Variants in SORCS2 observed in about 807,000 individuals in gnomAD.
SORCS2 encodes VPS10 domain-containing receptor SorCS2.
Under a neutral mutation model 141.6 loss-of-function variants are expected in SORCS2, and 100 were observed. The observed-to-expected ratio is 0.71, with a 90% confidence interval of 0.60 to 0.83. The LOEUF is 0.83. SORCS2 is among the 40% of genes least tolerant of loss of function. The pLI is 0.00. For missense variants in SORCS2, 1,646 were observed against 1,560.2 expected, an observed-to-expected ratio of 1.05 and a Z score of -0.93; for synonymous variants, 789 against 676.9, an observed-to-expected ratio of 1.17 and a Z score of -2.57.
chr4:7,548,010 C>T (rs796229885), intron 3 of SORCS2, among the ~76,000 whole-genome samples: 11 of 152,302 alleles, frequency 7.2e-5, no homozygotes, highest in African/African-American at 2.2e-4. Flanking sequence ...GAGCTTTCTT[C>T]CTGATTTCTT....
intron 2 of SORCS2, among the ~76,000 whole-genome samples, chr4:7,399,853 T>G (rs1026738822): frequency 2.0e-5 from 3 of 152,128 alleles, no homozygotes; most frequent in African/African-American, 7.2e-5. Context: ...AGGTAGGTCC[T>G]CCCAGAGGTT....
At chr4:7,337,951 G>A (rs1262237187) in intron 1 of SORCS2, among the ~76,000 whole-genome samples, 2 of 152,196 alleles carry the variant, frequency 1.3e-5, no homozygotes, top group Non-Finnish European at 2.9e-5. Context: ...CTGCGGACCT[G>A]CTGCCCTCTC....
intron 14 of SORCS2, among the ~76,000 whole-genome samples, chr4:7,706,628 C>T (rs1725481129): frequency 6.8e-6 from 1 of 147,912 alleles, no homozygotes; most frequent in African/African-American, 2.5e-5. Flanking sequence ...TGGCCTCTGC[C>T]TGGACAGGGA....
chr4:7,465,630 G>A (rs935634555), intron 2 of SORCS2, among the ~76,000 whole-genome samples: 4 of 152,182 alleles, frequency 2.6e-5, no homozygotes, highest in Admixed American at 6.5e-5. Context: ...CCTTTATAAA[G>A]ATACGTAGAC....
intron 2 of SORCS2, among the ~76,000 whole-genome samples, chr4:7,530,235 C>T (rs759998026): frequency 6.6e-6 from 1 of 152,226 alleles, no homozygotes; most frequent in African/African-American, 2.4e-5. Context: ...CCCCTCGGCC[C>T]CCAGAGGACA....
chr4:7,673,913 C>T (rs577604719), intron 8 of SORCS2, among the ~76,000 whole-genome samples: 1 of 152,326 alleles, frequency 6.6e-6, no homozygotes, highest in African/African-American at 2.4e-5. Context: ...TAATTCCCTG[C>T]CACGGCCCAG....
At chr4:7,675,985 C>T in intron 8 of SORCS2, 65 bp from the exon 9 acceptor site, 1 of 1,525,818 alleles carries the variant, frequency 6.6e-7, no homozygotes, top group African/African-American at 1.4e-5. Flanking sequence ...GTGCAGCCTG[C>T]TTCTTCCTCC....
At chr4:7,388,766 G>T (rs886732721) in intron 1 of SORCS2, among the ~76,000 whole-genome samples, 2 of 152,184 alleles carry the variant, frequency 1.3e-5, no homozygotes, top group Non-Finnish European at 2.9e-5. Context: ...CCCTGCATCG[G>T]CTCCGACACA....
chr4:7,372,753 C>T (rs1203381536), intron 1 of SORCS2, among the ~76,000 whole-genome samples: 1 of 152,198 alleles, frequency 6.6e-6, no homozygotes, highest in Admixed American at 6.5e-5. Flanking sequence ...CCCCCACCCC[C>T]AAGCCCTGGA....
chr4:7,565,296 C>G (rs1714888967), intron 3 of SORCS2, among the ~76,000 whole-genome samples: 1 of 152,180 alleles, frequency 6.6e-6, no homozygotes, highest in African/African-American at 2.4e-5. Flanking sequence ...GAGGATTATT[C>G]TGCTCTTGGA....
At chr4:7,625,333 G>C (rs1357657728) in intron 3 of SORCS2, among the ~76,000 whole-genome samples, 1 of 152,042 alleles carries the variant, frequency 6.6e-6, no homozygotes, top group Non-Finnish European at 1.5e-5. Flanking sequence ...CTCACAAATT[G>C]TTTGGTCTTG....
At chr4:7,696,903 C>T (rs1724747143) in intron 11 of SORCS2, among the ~76,000 whole-genome samples, 2 of 152,254 alleles carry the variant, frequency 1.3e-5, no homozygotes, top group Admixed American at 6.5e-5. Flanking sequence ...CCTAGCCACA[C>T]TCCATGCTTC....
At chr4:7,206,321 G>T (rs1388400316) in intron 1 of SORCS2, among the ~76,000 whole-genome samples, 4 of 152,164 alleles carry the variant, frequency 2.6e-5, no homozygotes, top group African/African-American at 9.7e-5. Flanking sequence ...CTTAGTAGAT[G>T]CTCAGTAAAC....
intron 2 of SORCS2, among the ~76,000 whole-genome samples, chr4:7,397,319 G>A (rs1344143343): frequency 6.6e-6 from 1 of 152,140 alleles, no homozygotes; most frequent in Non-Finnish European, 1.5e-5. Flanking sequence ...TTTCTTTGTG[G>A]TAGAAGGAAT....
At chr4:7,416,851 C>A (rs1325165909) in intron 2 of SORCS2, among the ~76,000 whole-genome samples, 1 of 151,920 alleles carries the variant, frequency 6.6e-6, no homozygotes, top group Non-Finnish European at 1.5e-5. Flanking sequence ...TGCATGCATG[C>A]ACACACACAC....
chr4:7,734,344 C>T lies in SORCS2; in HGVS notation c.3281C>T (p.Ala1094Val), dbSNP rs761309300. ...VVLFVIGLFA[A>V]GAFILYKFKR... ...CTGTTTGTCATCGGGCTCTTCGCAG[C>T]GGGAGCCTTCATCCTCTACAAGTTC... is the stretch of plus-strand genomic sequence containing the variant. The change falls in exon 25 of 27, where the codon GCG (alanine) becomes GTG (valine). Residue 1094 changes from alanine (A) to valine (V), a missense_variant. Transcript: ENST00000507866. The T allele has an allele frequency of 1.4e-5, 22 of 1,584,072 alleles. No individual in the cohort carries two copies. Among genetic ancestry groups the T allele is most frequent in the Middle Eastern group, 1.7e-4 (1 of 5,964 alleles).
chr4:7,432,831 C>G (rs1340997852), intron 2 of SORCS2: 1 of 146,684 alleles, frequency 6.8e-6, no homozygotes, highest in Non-Finnish European at 1.5e-5. Flanking sequence ...AAGCTCTGGC[C>G]TGAGCGAGAC....
intron 12 of SORCS2, among the ~76,000 whole-genome samples, chr4:7,700,226 A>T (rs568261250): frequency 6.6e-6 from 1 of 152,258 alleles, no homozygotes; most frequent in Admixed American, 6.5e-5. Flanking sequence ...TCAAATCTGG[A>T]CTTTCCCTAA....
chr4:7,454,118 G>GCT, intron 2 of SORCS2, among the ~76,000 whole-genome samples: 1 of 131,888 alleles, frequency 7.6e-6, no homozygotes, highest in East Asian at 2.5e-4. Flanking sequence ...GTTGGGGTCA[G>GCT]GCACTGTGTT....
Sources: allele counts gnomAD v4.1 joint callset (sites outside exome capture counted in the v4.1 genomes callset), GRCh38; gene constraint gnomAD v4.1.1; transcripts MANE v1.5; gene names NCBI Gene and HGNC (gene_info 2026-07-23, HGNC 2026-07-21).